SCN11A: variants seen among roughly 807,000 people sequenced by gnomAD.
The protein encoded by SCN11A is sodium channel protein type 11 subunit alpha.
Under a neutral mutation model 162.2 loss-of-function variants are expected in SCN11A, and 122 were observed. The observed-to-expected ratio is 0.75, with a 90% CI of 0.65 to 0.87. SCN11A has a LOEUF of 0.87. Ranked by LOEUF, SCN11A falls within the 40% of genes least tolerant of loss-of-function variation. The probability of loss-of-function intolerance (pLI) is 0.00; values close to 1 mark genes in which losing one functional copy is unlikely to be tolerated. For synonymous variants in SCN11A, 758 were observed against 751.5 expected (o/e 1.01, Z -0.14); for missense variants, 2,015 against 2,181.6 (o/e 0.92, Z 1.52).
At chr3:38,862,626 T>C (rs2064982119) in intron 28 of SCN11A, among the ~76,000 whole-genome samples, 1 of 152,132 alleles carries the variant, frequency 6.6e-6, no homozygotes, top group African/African-American at 2.4e-5. Flanking sequence ...TTATTCTAAG[T>C]GAAGTAACTC....
chr3:38,890,943 T>C (rs2065489477), intron 19 of SCN11A, among the ~76,000 whole-genome samples: 1 of 152,198 alleles, frequency 6.6e-6, no homozygotes, highest in Non-Finnish European at 1.5e-5. Context: ...GAATCAGTTA[T>C]AGAGTTTCCA....
chr3:38,972,315 G>T (rs867318475), intron 2 of SCN11A, among the ~76,000 whole-genome samples: 1 of 152,128 alleles, frequency 6.6e-6, no homozygotes, highest in African/African-American at 2.4e-5. Flanking sequence ...TCACCCTCCA[G>T]CTTCCTCCGG....
chr3:38,966,215 A>G (rs2125585339), intron 2 of SCN11A, among the ~76,000 whole-genome samples: 1 of 152,270 alleles, frequency 6.6e-6, no homozygotes, highest in South Asian at 2.1e-4. Context: ...GTTGTTTGCA[A>G]GGTTGCAGGT....
At chr3:38,928,232 A>C (rs2066174511) in intron 7 of SCN11A, among the ~76,000 whole-genome samples, 1 of 152,240 alleles carries the variant, frequency 6.6e-6, no homozygotes. Context: ...TCATATACCT[A>C]ACAAGGGGTT....
At chr3:38,988,177 C>T (rs2030328446) in intron 2 of SCN11A, among the ~76,000 whole-genome samples, 1 of 152,168 alleles carries the variant, frequency 6.6e-6, no homozygotes, top group African/African-American at 2.4e-5. Flanking sequence ...AAAGCTGGCC[C>T]TGCCTGCCTG....
chr3:39,050,049 T>C (rs2032285242), intron 1 of SCN11A, among the ~76,000 whole-genome samples: 1 of 152,226 alleles, frequency 6.6e-6, no homozygotes, highest in African/African-American at 2.4e-5. Context: ...TTGCACATCA[T>C]AGGTGCTCAA....
At chr3:39,042,957 CAAAAAAAAAAAAA>C (rs561204433) in intron 1 of SCN11A, among the ~76,000 whole-genome samples, 4 of 66,032 alleles carry the variant, frequency 6.1e-5, no homozygotes, top group Admixed American at 2.0e-4. Flanking sequence ...AACTCCATCT[CAAAAAAAAAAAAA>C]AAAAAAAAAG....
chr3:39,047,745 CAT>C (rs1188324759), intron 1 of SCN11A, among the ~76,000 whole-genome samples: 2 of 149,804 alleles, frequency 1.3e-5, no homozygotes, highest in Non-Finnish European at 3.0e-5. Context: ...CAAAAGAAGA[CAT>C]ATAAATAGCC....
At position 38,903,845 on chromosome 3, in the gene SCN11A, T is replaced by A; in HGVS notation, c.1842+20A>T. 1 of 1,504,458 alleles carries A rather than the reference T, an allele frequency of 6.6e-7. No individual in the cohort carries two copies. The highest frequency in any genetic ancestry group is 1.2e-5 in the South Asian group (1 of 81,268). The allele number at this position is 1,504,458 out of a possible 1,614,324, so 93.2% of individuals were successfully genotyped here. On this transcript the variant is annotated intron_variant, in intron 16 of 29. Transcript: ENST00000302328. ...TAAAGTATGAAATATGTTTTTTATT[T>A]TTAAAAAGTGTAATGTTACCAAATT...
intron 2 of SCN11A, among the ~76,000 whole-genome samples, chr3:38,980,910 C>T (rs1258469123): frequency 6.6e-6 from 1 of 152,184 alleles, no homozygotes; most frequent in Admixed American, 6.5e-5. Context: ...GTCAGAGACA[C>T]ACTTTTTTTA....
intron 22 of SCN11A, among the ~76,000 whole-genome samples, chr3:38,881,077 A>AT (rs1487500066): frequency 2.8e-4 from 42 of 152,188 alleles, no homozygotes; most frequent in Non-Finnish European, 2.9e-5. Flanking sequence ...CTCACTTCCA[A>AT]TTGCCAAATT....
intron 28 of SCN11A, among the ~76,000 whole-genome samples, chr3:38,860,186 A>T (rs2064940445): frequency 6.6e-6 from 1 of 152,116 alleles, no homozygotes; most frequent in Non-Finnish European, 1.5e-5. Context: ...TTATCTTTAA[A>T]AACCTCTGAT....
chr3:38,996,927 C>T lies in SCN11A; in HGVS notation c.-280+35453G>A, dbSNP rs114768211. 5.2e-3 allele frequency among the ~76,000 whole-genome samples: 799 copies of T among 152,202 alleles called. 8 individuals carry two copies. Among genetic ancestry groups the T allele is most frequent in the African/African-American group, 0.018 (761 of 41,518 alleles). ...CCACTGTACAGGATAAATGTTAATT[C>T]TTCCTTCACCGCCAATCACATCTTA... On this transcript the variant is annotated intron_variant, in intron 2 of 29. Coordinates refer to ENST00000302328, the MANE Select transcript of SCN11A (RefSeq NM_001349253.2).
chr3:38,981,570 T>C (rs1397871762), intron 2 of SCN11A, among the ~76,000 whole-genome samples: 6 of 151,538 alleles, frequency 4.0e-5, no homozygotes, highest in Non-Finnish European at 7.4e-5. Context: ...TGTGTGTGTA[T>C]TCCTCATCCG....
intron 11 of SCN11A, 117 bp downstream of exon 11, chr3:38,919,818 T>C (rs968813859): frequency 1.3e-6 from 1 of 758,046 alleles, no homozygotes; most frequent in Admixed American, 2.5e-5. Flanking sequence ...ACACATGAAA[T>C]AATTATGTGA....
At chr3:38,867,780 C>T (rs932068523) in intron 26 of SCN11A, among the ~76,000 whole-genome samples, 1 of 152,042 alleles carries the variant, frequency 6.6e-6, no homozygotes, top group Non-Finnish European at 1.5e-5. Context: ...ATGGAATGTC[C>T]ATATGGGTAT....
intron 9 of SCN11A, among the ~76,000 whole-genome samples, chr3:38,924,877 C>T (rs1184760582): frequency 1.3e-5 from 2 of 152,060 alleles, no homozygotes; most frequent in Admixed American, 6.6e-5. Flanking sequence ...CCATCCTCAT[C>T]CTTGCTACTC....
chr3:38,899,840 G>GT, intron 17 of SCN11A, 54 bp downstream of exon 17: 1 of 1,490,502 alleles, frequency 6.7e-7, no homozygotes, highest in Non-Finnish European at 9.2e-7. Flanking sequence ...CACTCAAAAC[G>GT]TTTTTTCCAC....
intron 2 of SCN11A, among the ~76,000 whole-genome samples, chr3:39,017,713 C>CT (rs531910623): frequency 0.01 from 1,589 of 151,478 alleles, 8 homozygotes; most frequent in Middle Eastern, 0.017. Flanking sequence ...AGTTCTATGT[C>CT]TTTTTTTTTA....
Sources: gnomAD v4.1 joint callset for allele counts (sites outside exome capture counted in the v4.1 genomes callset) on GRCh38, gnomAD v4.1.1 for gene constraint, MANE v1.5 for transcripts, NCBI Gene and HGNC (gene_info 2026-07-23, HGNC 2026-07-21) for gene names.